The following MGAT4C variants were observed in gnomAD, a reference collection of about 807,000 sequenced individuals.
MGAT4C encodes the protein MGAT4 family member C.
Under a neutral mutation model 40.1 loss-of-function variants are expected in MGAT4C, and 19 were observed. The observed-to-expected ratio is 0.47, with a 90% CI of 0.33 to 0.70. The LOEUF (loss-of-function observed/expected upper bound fraction) is 0.70. Ranked by LOEUF, MGAT4C falls within the 30% of genes least tolerant of loss-of-function variation. The pLI, the probability that MGAT4C is intolerant of heterozygous loss-of-function variation, is 0.02. For missense variants in MGAT4C, 491 were observed against 563.2 expected (o/e 0.87, Z 1.30); for synonymous variants, 181 against 187.1 (o/e 0.97, Z 0.27).
At chr12:86,395,126 G>A (rs1323423470) in intron 3 of MGAT4C, among the ~76,000 whole-genome samples, 3 of 152,056 alleles carry the variant, frequency 2.0e-5, no homozygotes, top group East Asian at 3.9e-4. Context: ...GTAATGTAAG[G>A]TTAAAAAGAT....
intron 2 of MGAT4C, among the ~76,000 whole-genome samples, chr12:86,034,381 T>G (rs549581767): frequency 1.3e-5 from 2 of 149,516 alleles, no homozygotes; most frequent in East Asian, 3.9e-4. Flanking sequence ...CATCTAGTCA[T>G]GGGCTTTTTC....
chr12:86,440,382 T>C (rs144674416), intron 2 of MGAT4C, among the ~76,000 whole-genome samples: 4,258 of 152,026 alleles, frequency 0.028, 86 homozygotes, highest in Non-Finnish European at 0.044. Flanking sequence ...AAAAACCATA[T>C]GATAATCTCA....
chr12:86,833,433 C>A, intron 1 of MGAT4C, among the ~76,000 whole-genome samples: 1 of 151,788 alleles, frequency 6.6e-6, no homozygotes, highest in Non-Finnish European at 1.5e-5. Flanking sequence ...TATTTTCTTA[C>A]AATTGAAAGG....
chr12:86,623,390 T>C (rs1962698523), intron 2 of MGAT4C, among the ~76,000 whole-genome samples: 2 of 152,068 alleles, frequency 1.3e-5, no homozygotes, highest in Non-Finnish European at 2.9e-5. Context: ...TAACAACAGG[T>C]CCATCTGACT....
chr12:86,099,309 C>T (rs1375929795), intron 1 of MGAT4C, among the ~76,000 whole-genome samples: 5 of 151,050 alleles, frequency 3.3e-5, no homozygotes, highest in African/African-American at 9.7e-5. Flanking sequence ...GAGAATTGTT[C>T]CTCACTATTT....
At chr12:86,648,384 C>A (rs1232345093) in intron 2 of MGAT4C, among the ~76,000 whole-genome samples, 1 of 151,714 alleles carries the variant, frequency 6.6e-6, no homozygotes, top group Non-Finnish European at 1.5e-5. Flanking sequence ...CTGTTGAAAC[C>A]TAGTCTACAA....
intron 1 of MGAT4C, among the ~76,000 whole-genome samples, chr12:86,197,203 G>C (rs1253552400): frequency 6.6e-6 from 1 of 152,058 alleles, no homozygotes; most frequent in Non-Finnish European, 1.5e-5. Flanking sequence ...CTCACCTTGA[G>C]ACCTCACCAG....
intron 2 of MGAT4C, among the ~76,000 whole-genome samples, chr12:86,509,776 C>T (rs1958540063): frequency 6.6e-6 from 1 of 152,192 alleles, no homozygotes; most frequent in African/African-American, 2.4e-5. Flanking sequence ...AGGTCCTTCA[C>T]ATCCCTTGTA....
At chr12:86,062,235 G>T (rs1000934979) in intron 1 of MGAT4C, among the ~76,000 whole-genome samples, 2 of 152,148 alleles carry the variant, frequency 1.3e-5, no homozygotes, top group Admixed American at 1.3e-4. Context: ...CGGCAAACAC[G>T]GTCTGGAATG....
chr12:86,582,781 T>C (rs993679714), intron 2 of MGAT4C, among the ~76,000 whole-genome samples: 2 of 151,204 alleles, frequency 1.3e-5, no homozygotes, highest in Non-Finnish European at 3.0e-5. Flanking sequence ...CCCAAGGACA[T>C]TGGGACTTAT....
chr12:86,578,916 T>C (rs1281861208), intron 2 of MGAT4C, among the ~76,000 whole-genome samples: 1 of 151,632 alleles, frequency 6.6e-6, no homozygotes, highest in African/African-American at 2.4e-5. Context: ...TCTAGTTATA[T>C]AGTGACCTTG....
chr12:86,159,363 A>T (rs1316608431), intron 1 of MGAT4C, among the ~76,000 whole-genome samples: 2 of 150,020 alleles, frequency 1.3e-5, no homozygotes, highest in Non-Finnish European at 3.0e-5. Context: ...ACATCTCAGG[A>T]ATAAAGTCCA....
intron 2 of MGAT4C, chr12:86,028,177 C>T (rs1191084219): frequency 7.8e-7 from 1 of 1,287,986 alleles, no homozygotes; most frequent in Admixed American, 2.3e-5. Context: ...CATGTCCTTC[C>T]CAAGCATGAG....
intron 4 of MGAT4C, among the ~76,000 whole-genome samples, chr12:86,295,908 GTTT>G (rs1953658668): frequency 6.7e-6 from 1 of 149,104 alleles, no homozygotes; most frequent in African/African-American, 2.5e-5. Context: ...GTGCCGACTG[GTTT>G]GTTTACAATC....
At chr12:86,773,103 C>A (rs1162455037) in intron 1 of MGAT4C, among the ~76,000 whole-genome samples, 2 of 152,064 alleles carry the variant, frequency 1.3e-5, no homozygotes, top group Non-Finnish European at 2.9e-5. Context: ...CAGGCTTAAT[C>A]CCTAGTACCA....
At chr12:86,429,170 T>G (rs1036013506) in intron 3 of MGAT4C, among the ~76,000 whole-genome samples, 1 of 152,154 alleles carries the variant, frequency 6.6e-6, no homozygotes, top group Admixed American at 6.5e-5. Flanking sequence ...TCCATTTGTG[T>G]TTGTCTCAAG....
intron 2 of MGAT4C, among the ~76,000 whole-genome samples, chr12:86,532,103 G>A (rs1958996186): frequency 6.6e-6 from 1 of 151,854 alleles, no homozygotes; most frequent in Admixed American, 6.6e-5. Context: ...AATTTTGGGG[G>A]CATTAAATTA....
At chr12:86,050,650 A>T (rs1159301049) in intron 1 of MGAT4C, among the ~76,000 whole-genome samples, 2 of 151,938 alleles carry the variant, frequency 1.3e-5, no homozygotes, top group African/African-American at 2.4e-5. Context: ...AGCTCTCCTG[A>T]TATCTCCATC....
chr12:86,150,577 T>C (rs1167658424), intron 1 of MGAT4C, among the ~76,000 whole-genome samples: 1 of 152,198 alleles, frequency 6.6e-6, no homozygotes, highest in East Asian at 1.9e-4. Context: ...CAAGTTCTAT[T>C]AAGAGTTCCT....
Sources: allele counts gnomAD v4.1 joint callset (sites outside exome capture counted in the v4.1 genomes callset), GRCh38; gene constraint gnomAD v4.1.1; transcripts MANE v1.5; gene names NCBI Gene and HGNC (gene_info 2026-07-23, HGNC 2026-07-21).